ST8SIA2: variants seen among roughly 807,000 people sequenced by gnomAD.
ST8SIA2 encodes ST8 alpha-N-acetyl-neuraminide alpha-2,8-sialyltransferase 2.
In ST8SIA2, 22 loss-of-function variants were observed where a neutral mutation model predicts 37.6. The ratio of observed to expected loss-of-function variants is 0.58; its 90% confidence interval spans 0.42 to 0.83. The LOEUF (loss-of-function observed/expected upper bound fraction) is 0.83. Ranked by LOEUF, ST8SIA2 falls within the 40% of genes least tolerant of loss-of-function variation. The pLI is 0.00. For synonymous variants in ST8SIA2, 205 were observed against 201.2 expected (o/e 1.02, Z -0.16); for missense variants, 382 against 484.7 (o/e 0.79, Z 1.99).
intron 1 of ST8SIA2, among the ~76,000 whole-genome samples, chr15:92,406,817 G>A (rs1053683477): frequency 1.4e-4 from 22 of 152,058 alleles, no homozygotes; most frequent in African/African-American, 3.9e-4. Context: ...GCAACATGGC[G>A]AAACCCATCT....
rs1682175592 is a variant in ST8SIA2 at position 92,451,360 on chromosome 15, G to T, written c.842+6431G>T. 2.6e-5 allele frequency among the ~76,000 whole-genome samples: 4 copies of T among 152,194 alleles called. No homozygotes were observed. The South Asian group carries it at 6.2e-4, about 24-fold the overall frequency. The stretch of plus-strand genomic sequence containing the variant: ...GGCTACACGTGCACACACTGCAGTT[G>T]TTCAGAGCCTGGGGCAGCACCTTAT... On this transcript the variant is annotated intron_variant, in intron 5 of 5. Coordinates refer to ENST00000268164, the MANE Select transcript of ST8SIA2 (RefSeq NM_006011.4).
intron 5 of ST8SIA2, 150 bp downstream of exon 5, chr15:92,445,079 C>T: frequency 1.7e-6 from 2 of 1,177,252 alleles, no homozygotes; most frequent in Non-Finnish European, 2.4e-6. Flanking sequence ...TTCTGAGCCT[C>T]CATTCCTTGA....
In ST8SIA2 at chr15:92,434,342, G is replaced by A; in HGVS notation, c.257G>A (p.Trp86Ter). Residue 86 changes from tryptophan (W) to a stop codon, truncating the protein, a stop_gained, in exon 3 of 6, where the codon TGG becomes TAG. Transcript: ENST00000268164. LOFTEE classifies it high-confidence loss of function. The stretch of plus-strand genomic sequence containing the variant: ...AACATCCAGCCAGCCTCGTCCAAAT[G>A]GAGACATAACCAGACGCTCTCTCTG... ...KHNIQPASSK[W>*]RHNQTLSLRI... 6.2e-7 allele frequency: 1 copy of A among 1,614,124 alleles called. No homozygotes were observed. Among genetic ancestry groups the A allele is most frequent in the Non-Finnish European group, 8.5e-7 (1 of 1,180,048 alleles).
At chr15:92,400,927 G>A (rs899513857) in intron 1 of ST8SIA2, among the ~76,000 whole-genome samples, 1 of 152,150 alleles carries the variant, frequency 6.6e-6, no homozygotes, top group Admixed American at 6.5e-5. Context: ...AGAAATGTGA[G>A]GTCAGGTCGG....
intron 3 of ST8SIA2, among the ~76,000 whole-genome samples, chr15:92,436,526 G>A (rs1281269119): frequency 6.6e-6 from 1 of 152,112 alleles, no homozygotes; most frequent in African/African-American, 2.4e-5. Flanking sequence ...AATAATTGAT[G>A]GTAATTTCTC....
chr15:92,408,405 C>A (rs957988832), intron 1 of ST8SIA2, among the ~76,000 whole-genome samples: 1 of 152,164 alleles, frequency 6.6e-6, no homozygotes, highest in Non-Finnish European at 1.5e-5. Flanking sequence ...AGGCTAGGAC[C>A]GTTTCAGATG....
intron 1 of ST8SIA2, chr15:92,420,882 TAA>T (rs925489483): frequency 1.3e-5 from 2 of 152,264 alleles, no homozygotes; most frequent in Non-Finnish European, 2.9e-5. Flanking sequence ...AGTACAAGGC[TAA>T]GACTTGCTGT....
intron 1 of ST8SIA2, among the ~76,000 whole-genome samples, chr15:92,407,614 G>A (rs749277207): frequency 6.6e-6 from 1 of 152,142 alleles, no homozygotes; most frequent in East Asian, 1.9e-4. Flanking sequence ...CCAGCCTGCG[G>A]TCCAGTTCCA....
At chr15:92,432,809 C>T (rs1466490374) in intron 2 of ST8SIA2, among the ~76,000 whole-genome samples, 1 of 152,016 alleles carries the variant, frequency 6.6e-6, no homozygotes, top group Non-Finnish European at 1.5e-5. Context: ...CAACATGCAC[C>T]CCTAAGCGAA....
intron 1 of ST8SIA2, among the ~76,000 whole-genome samples, chr15:92,428,023 A>G (rs1232723297): frequency 1.3e-5 from 2 of 152,222 alleles, no homozygotes; most frequent in African/African-American, 2.4e-5. Context: ...TAACTGTTTC[A>G]TTCTGTCTTT....
intron 1 of ST8SIA2, among the ~76,000 whole-genome samples, chr15:92,395,079 C>A (rs1053367812): frequency 6.6e-6 from 1 of 152,130 alleles, no homozygotes; most frequent in Non-Finnish European, 1.5e-5. Context: ...CCCCGCCCCG[C>A]AGCCTTCGGC....
intron 5 of ST8SIA2, among the ~76,000 whole-genome samples, chr15:92,460,311 T>C (rs1237392174): frequency 6.6e-6 from 1 of 152,188 alleles, no homozygotes; most frequent in Non-Finnish European, 1.5e-5. Context: ...CACATGGTAG[T>C]GAGATCCAGG....
At chr15:92,413,527 C>A (rs1045593953) in intron 1 of ST8SIA2, among the ~76,000 whole-genome samples, 2 of 152,148 alleles carry the variant, frequency 1.3e-5, no homozygotes, top group Non-Finnish European at 2.9e-5. Flanking sequence ...TGTCCCATTT[C>A]CCTCCTCCTC....
At chr15:92,399,255 TAG>T (rs2049453530) in intron 1 of ST8SIA2, among the ~76,000 whole-genome samples, 1 of 152,108 alleles carries the variant, frequency 6.6e-6, no homozygotes, top group Non-Finnish European at 1.5e-5. Context: ...GCAGGGGAGA[TAG>T]TAAAGATATT....
chr15:92,441,287 C>T (rs1377292305), intron 4 of ST8SIA2, among the ~76,000 whole-genome samples: 3 of 152,250 alleles, frequency 2.0e-5, no homozygotes, highest in Admixed American at 2.0e-4. Context: ...GGCAGGCTTC[C>T]GGCAGAAGCG....
At position 92,434,287 on chromosome 15, in the gene ST8SIA2, G is replaced by A; in HGVS notation, c.202G>A (p.Val68Ile). The A allele has an allele frequency of 6.2e-7, 1 of 1,613,974 alleles. No individual in the cohort carries two copies. ...VINGSSSPAV[V>I]DRSNESIKHN... ...AAACGGCTCCTCATCACCAGCTGTT[G>A]TTGACAGAAGTAATGAAAGCATCAA... The change falls in exon 3 of 6, where the codon GTT (valine) becomes ATT (isoleucine). Residue 68 changes from valine to isoleucine, a missense_variant. Physicochemically the swap from Val to Ile is conservative, Grantham distance 29. Transcript: ENST00000268164.
At chr15:92,460,493 CAGCT>C (rs2049950033) in intron 5 of ST8SIA2, among the ~76,000 whole-genome samples, 1 of 152,222 alleles carries the variant, frequency 6.6e-6, no homozygotes. Context: ...ATCTCAGCAT[CAGCT>C]GCTGCTCTTC....
chr15:92,431,659 G>A (rs2049716646), intron 2 of ST8SIA2, among the ~76,000 whole-genome samples: 1 of 152,128 alleles, frequency 6.6e-6, no homozygotes, highest in Non-Finnish European at 1.5e-5. Flanking sequence ...TCATTGAAAA[G>A]GAATATCTCA....
chr15:92,430,177 C>A, intron 2 of ST8SIA2, 66 bp downstream of exon 2: 3 of 1,487,082 alleles, frequency 2.0e-6, no homozygotes, highest in Non-Finnish European at 9.3e-7. Context: ...TGCTTCTCTT[C>A]TTTGCTGGAT....
Sources: gnomAD v4.1 joint callset for allele counts (sites outside exome capture counted in the v4.1 genomes callset) on GRCh38, gnomAD v4.1.1 for gene constraint, MANE v1.5 for transcripts, NCBI Gene and HGNC (gene_info 2026-07-23, HGNC 2026-07-21) for gene names.